ABR: variants seen among roughly 807,000 people sequenced by gnomAD.
ABR encodes ABR activator of RhoGEF and GTPase.
A neutral mutation model predicts 107.2 loss-of-function variants in ABR; 35 were observed. The ratio of observed to expected loss-of-function variants is 0.33; its 90% CI spans 0.25 to 0.43. ABR has a LOEUF of 0.43. Among genes scored for constraint, ABR ranks in the 20% least tolerant of loss-of-function variants. The pLI is 1.00. For synonymous variants in ABR, 498 were observed against 462.0 expected (o/e 1.08, Z -1.00); for missense variants, 815 against 1,115.2 (o/e 0.73, Z 3.83).
At position 1,148,672 on chromosome 17, in the gene ABR, A is replaced by G. The variant is rs576535776; in HGVS notation, c.62-23305T>C. 3.3e-5 allele frequency among the ~76,000 whole-genome samples: 5 copies of G among 152,274 alleles called. No homozygotes were observed. Among genetic ancestry groups the G allele is most frequent in the African/African-American group, 1.2e-4 (5 of 41,558 alleles). ...CGAGGGATCGCAGTTCCATCCCGAA[A>G]GCGCTCCCCACCCTTCCCCGGTCCG... On this transcript the variant is annotated intron_variant, in intron 1 of 22. Coordinates refer to ENST00000302538, the MANE Select transcript of ABR (RefSeq NM_021962.5). This position sits in a 1 kb window ranked among gnomAD's most constrained non-coding sequence, Gnocchi z 4.9.
intron 1 of ABR, among the ~76,000 whole-genome samples, chr17:1,178,559 C>T (rs1236460775): frequency 1.1e-4 from 9 of 80,576 alleles, no homozygotes; most frequent in South Asian, 3.8e-4. Context: ...GCCGAGACTC[C>T]GTCTCAAAAA....
At chr17:1,036,646 C>CAT (rs202047207) in intron 16 of ABR, among the ~76,000 whole-genome samples, 2,914 of 152,084 alleles carry the variant, frequency 0.019, 94 homozygotes, top group African/African-American at 0.066. Context: ...GCCCAGCGCC[C>CAT]ACACAGGGCG....
At chr17:1,159,098 T>C (rs1398042472) in intron 1 of ABR, among the ~76,000 whole-genome samples, 4 of 152,226 alleles carry the variant, frequency 2.6e-5, no homozygotes, top group South Asian at 2.1e-4. Flanking sequence ...AACTAAACTA[T>C]GCAGGATGAC....
At chr17:1,055,955 G>T in intron 14 of ABR, 80 bp downstream of exon 14, 2 of 1,371,516 alleles carry the variant, frequency 1.5e-6, no homozygotes, top group Non-Finnish European at 2.1e-6. Context: ...CTAAAGGCGT[G>T]CTGGCAGGGC....
At chr17:1,223,441 A>T (rs1219315877) in intron 1 of ABR, among the ~76,000 whole-genome samples, 1 of 152,108 alleles carries the variant, frequency 6.6e-6, no homozygotes, top group East Asian at 1.9e-4. Context: ...CTAATATTTG[A>T]GGCGGTACAG....
intron 13 of ABR, among the ~76,000 whole-genome samples, chr17:1,056,496 G>A (rs576869932): frequency 1.3e-5 from 2 of 152,114 alleles, no homozygotes; most frequent in East Asian, 1.9e-4. Context: ...TCAGGACCCC[G>A]TTCACAAAGT....
At position 1,050,683 on chromosome 17, in the gene ABR, G is replaced by A; in HGVS notation, c.1562-49C>T. The A allele has an allele frequency of 1.3e-6, 2 of 1,486,292 alleles. No homozygotes were observed. Among genetic ancestry groups the A allele is most frequent in the Non-Finnish European group, 9.4e-7 (1 of 1,065,284 alleles). 92.1% of individuals were successfully genotyped at this position (1,486,292 alleles called of 1,614,324 possible). The stretch of plus-strand genomic sequence containing the variant: ...ATACTGAGTGAGTGGGGCCAGGGTG[G>A]GGCAGCTGGGGCGGCACTCAGGATG... On this transcript the variant is annotated intron_variant, in intron 14 of 22. Coordinates refer to ENST00000302538, the MANE Select transcript of ABR (RefSeq NM_021962.5). The surrounding 1 kb of genome is among the most constrained non-coding windows in gnomAD (Gnocchi z 4.6).
intron 1 of ABR, among the ~76,000 whole-genome samples, chr17:1,218,881 G>A (rs149117276): frequency 1.6e-3 from 238 of 152,256 alleles, no homozygotes; most frequent in African/African-American, 5.6e-3. Flanking sequence ...TTCCAAATGT[G>A]CAAAATCCCC....
chr17:1,158,789 G>A lies in ABR; in HGVS notation c.61+20878C>T, dbSNP rs538752944. 5.3e-5 allele frequency among the ~76,000 whole-genome samples: 8 copies of A among 151,994 alleles called. 1 individual carries two copies. The South Asian group carries it at 1.2e-3, about 24-fold the overall frequency. On this transcript the variant is annotated intron_variant, in intron 1 of 22. Coordinates refer to ENST00000302538, the MANE Select transcript of ABR (RefSeq NM_021962.5). ...AAAAAAAAAAAGGAATCAAAAGTGC[G>A]TAGGGCTAGTCCAACCCTTACATTT...
At chr17:1,185,850 T>C (rs1598088434) in intron 1 of ABR, among the ~76,000 whole-genome samples, 1 of 151,742 alleles carries the variant, frequency 6.6e-6, no homozygotes, top group East Asian at 1.9e-4. Flanking sequence ...TTTTTCTTTC[T>C]TTTGAGATGG....
intron 16 of ABR, among the ~76,000 whole-genome samples, chr17:1,024,783 CAAA>C (rs57876178): frequency 0.37 from 34,649 of 93,116 alleles, 3,742 homozygotes; most frequent in Middle Eastern, 0.47. Flanking sequence ...GAGACTCCCA[CAAA>C]AAAAAAAAAA....
intron 12 of ABR, among the ~76,000 whole-genome samples, chr17:1,057,673 G>C (rs1350556891): frequency 6.6e-6 from 1 of 151,082 alleles, no homozygotes. Flanking sequence ...GTGTGTGTGT[G>C]TGTGTGTGTG....
At chr17:1,126,064 G>C (rs948314332) in intron 1 of ABR, among the ~76,000 whole-genome samples, 1 of 152,136 alleles carries the variant, frequency 6.6e-6, no homozygotes, top group Non-Finnish European at 1.5e-5. Flanking sequence ...AAAGGCGACC[G>C]GGAAGTTGAG....
At chr17:1,138,496 G>C (rs1318356698) in intron 1 of ABR, among the ~76,000 whole-genome samples, 1 of 151,566 alleles carries the variant, frequency 6.6e-6, no homozygotes, top group Admixed American at 6.6e-5. Context: ...GTTTTTTTTA[G>C]AGACAGAGTC....
intron 1 of ABR, among the ~76,000 whole-genome samples, chr17:1,137,561 A>G (rs1027671484): frequency 3.3e-5 from 5 of 152,220 alleles, no homozygotes; most frequent in Non-Finnish European, 4.4e-5. Flanking sequence ...GTGGTGCCCA[A>G]AACAATGACA....
chr17:1,061,261 C>T (rs569217253), intron 10 of ABR, among the ~76,000 whole-genome samples: 1 of 152,160 alleles, frequency 6.6e-6, no homozygotes, highest in South Asian at 2.1e-4. Flanking sequence ...GGCAGCAAGC[C>T]TCCCAGGGGC....
rs1286963883 is a variant in ABR at position 1,065,792 on chromosome 17, C to T, written c.1182+1285G>A. On this transcript the variant is annotated intron_variant, in intron 10 of 22. Transcript: ENST00000302538. ...AGACAGTCTCACTCTGTTGCTCAGG[C>T]TGGAGTGCAGCAGCGGAATCTCAGC... is the stretch of plus-strand genomic sequence containing the variant. Among the ~76,000 whole-genome samples the T allele has an allele frequency of 5.1e-5, 7 of 137,684 alleles. No individual in the cohort carries two copies. The East Asian group carries it at 1.5e-3, about 30-fold the overall frequency. 90.3% of individuals were successfully genotyped at this position (137,684 alleles called of 152,430 possible).
chr17:1,214,631 A>G (rs2042963691), intron 1 of ABR, among the ~76,000 whole-genome samples: 1 of 151,796 alleles, frequency 6.6e-6, no homozygotes, highest in Non-Finnish European at 1.5e-5. Context: ...GAGAAACCCC[A>G]TCTCTACTAA....
chr17:1,181,463 C>A (rs2042131570), upstream of ABR, among the ~76,000 whole-genome samples: 1 of 152,148 alleles, frequency 6.6e-6, no homozygotes, highest in Non-Finnish European at 1.5e-5. Flanking sequence ...CTCCCTCCGC[C>A]CCAATCCTCC....
Sources: gnomAD v4.1 joint callset for allele counts (sites outside exome capture counted in the v4.1 genomes callset) on GRCh38, gnomAD v4.1.1 for gene constraint, Gnocchi (gnomAD v3.1) non-coding constraint, MANE v1.5 for transcripts, NCBI Gene and HGNC (gene_info 2026-07-23, HGNC 2026-07-21) for gene names.